The following PRKCE variants were observed in gnomAD, a reference collection of about 807,000 sequenced individuals.
PRKCE encodes protein kinase C epsilon.
A neutral mutation model predicts 85.4 loss-of-function variants in PRKCE; 16 were observed. The observed-to-expected ratio is 0.19, with a 90% CI of 0.13 to 0.28. The LOEUF (loss-of-function observed/expected upper bound fraction) is 0.28. PRKCE is among the 10% of genes least tolerant of loss of function. PRKCE has a pLI of 1.00. For synonymous variants in PRKCE, 388 were observed against 371.5 expected (o/e 1.04, Z -0.51); for missense variants, 573 against 975.2 (o/e 0.59, Z 5.49).
At chr2:45,966,934 G>C (rs1379584860) in intron 2 of PRKCE, among the ~76,000 whole-genome samples, 1 of 152,180 alleles carries the variant, frequency 6.6e-6, no homozygotes. Flanking sequence ...GAGAGATGCA[G>C]GGTTTCTGGA....
chr2:46,079,386 G>A (rs1286962010), intron 10 of PRKCE, among the ~76,000 whole-genome samples: 1 of 152,072 alleles, frequency 6.6e-6, no homozygotes, highest in South Asian at 2.1e-4. Context: ...ATGATTTCCT[G>A]TCTTCAGTTT....
intron 1 of PRKCE, among the ~76,000 whole-genome samples, chr2:45,830,348 A>G (rs932545968): frequency 2.0e-5 from 3 of 152,180 alleles, no homozygotes; most frequent in Non-Finnish European, 2.9e-5. Context: ...CTGCCTGTAC[A>G]TGAGAAAGGC....
At chr2:45,692,630 G>A (rs1395797912) in intron 1 of PRKCE, among the ~76,000 whole-genome samples, 1 of 152,106 alleles carries the variant, frequency 6.6e-6, no homozygotes, top group African/African-American at 2.4e-5. Context: ...TTCCAATTCA[G>A]TGAGGGAGAC....
At chr2:46,120,228 G>A (rs1038893258) in intron 11 of PRKCE, among the ~76,000 whole-genome samples, 3 of 152,204 alleles carry the variant, frequency 2.0e-5, no homozygotes, top group Non-Finnish European at 4.4e-5. Context: ...GGTTCTTGAT[G>A]TTCCTCTAGC....
At chr2:45,722,825 G>T (rs1680730501) in intron 1 of PRKCE, among the ~76,000 whole-genome samples, 1 of 152,214 alleles carries the variant, frequency 6.6e-6, no homozygotes, top group East Asian at 1.9e-4. Flanking sequence ...ACAGGGCTGG[G>T]CGTGGTGGCT....
chr2:45,838,685 G>A lies in PRKCE; in HGVS notation c.349-4315G>A, dbSNP rs572775460. ...GTCACCCAGACTGCAGTGCAGTGGC[G>A]CATTGCAGCCTGGATCTCCTGGGCT... is the stretch of plus-strand genomic sequence containing the variant. On this transcript the variant is annotated intron_variant, in intron 1 of 14. Transcript: ENST00000306156. 1.2e-4 allele frequency among the ~76,000 whole-genome samples: 18 copies of A among 152,164 alleles called. 1 individual carries two copies. The highest frequency in any genetic ancestry group is 4.2e-4 in the South Asian group (2 of 4,814).
intron 1 of PRKCE, among the ~76,000 whole-genome samples, chr2:45,754,198 C>A (rs148156942): frequency 6.6e-6 from 1 of 152,302 alleles, no homozygotes; most frequent in East Asian, 1.9e-4. Context: ...GAATAGAGTG[C>A]AGTACTGATT....
In PRKCE at chr2:45,661,304, T is replaced by G. The variant is rs185229985; in HGVS notation, c.348+8856T>G. On this transcript the variant is annotated intron_variant, in intron 1 of 14. Transcript: ENST00000306156. ...TTCAAGCGATTCTCCTGTCTCAGCC[T>G]CCCAAGTAGCTGGGATTACAAGCAT... Among the ~76,000 whole-genome samples the G allele has an allele frequency of 1.8e-3, 272 of 151,850 alleles. 1 individual carries two copies. The highest frequency in any genetic ancestry group is 6.3e-3 in the African/African-American group (260 of 41,392).
intron 14 of PRKCE, among the ~76,000 whole-genome samples, chr2:46,171,212 G>C (rs1446066560): frequency 6.6e-6 from 1 of 152,162 alleles, no homozygotes; most frequent in Non-Finnish European, 1.5e-5. Flanking sequence ...GGCAGGCAGG[G>C]TACTGTCTCC....
chr2:46,008,139 A>G (rs997173663), intron 9 of PRKCE, among the ~76,000 whole-genome samples: 3 of 152,216 alleles, frequency 2.0e-5, no homozygotes, highest in Non-Finnish European at 2.9e-5. Context: ...AATGTTATTT[A>G]ACTGATCTTT....
intron 1 of PRKCE, among the ~76,000 whole-genome samples, chr2:45,835,316 A>T (rs1316009330): frequency 6.6e-6 from 1 of 152,198 alleles, no homozygotes; most frequent in East Asian, 1.9e-4. Flanking sequence ...CATTCATTTT[A>T]AGTGTAGGCT....
intron 11 of PRKCE, among the ~76,000 whole-genome samples, chr2:46,128,282 A>G (rs908495597): frequency 6.6e-6 from 1 of 152,120 alleles, no homozygotes; most frequent in African/African-American, 2.4e-5. Flanking sequence ...TTTTTTTAGT[A>G]TGTGAGAAAG....
At chr2:45,675,036 A>G (rs890358672) in intron 1 of PRKCE, 2 of 152,200 alleles carry the variant, frequency 1.3e-5, no homozygotes, top group African/African-American at 2.4e-5. Flanking sequence ...ATTTTAATTC[A>G]ATGCTGATTA....
chr2:45,661,697 T>G (rs74440485), intron 1 of PRKCE, among the ~76,000 whole-genome samples: 2 of 109,450 alleles, frequency 1.8e-5, no homozygotes, highest in South Asian at 5.8e-4. Flanking sequence ...CCCAGCTAAT[T>G]TTTTTTTTTT....
chr2:45,998,755 A>C (rs1704425076), intron 6 of PRKCE, among the ~76,000 whole-genome samples: 1 of 151,646 alleles, frequency 6.6e-6, no homozygotes, highest in Admixed American at 6.6e-5. Flanking sequence ...TTTGTCTTCC[A>C]CTCATTTTCT....
rs1283983439 is a variant in PRKCE, at chr2:46,086,216, C to A, written c.1446C>A (p.Leu482=). 6.3e-7 allele frequency: 1 copy of A among 1,599,608 alleles called. No homozygotes were observed. The highest frequency in any genetic ancestry group is 1.1e-5 in the South Asian group (1 of 91,070). Residue 482 remains leucine, a synonymous_variant, in exon 11 of 15, where the codon CTC becomes CTA. Coordinates refer to ENST00000306156, the MANE Select transcript of PRKCE (RefSeq NM_005400.3). ...TTCTTCTCTCCTTTCAGGACCGCCT[C>A]TTTTTCGTCATGGAATATGTAAATG... The part of the protein sequence containing the change: ...LYCCFQTKDR[L]FFVMEYVNGG...
At chr2:45,711,188 G>A (rs1193769398) in intron 1 of PRKCE, among the ~76,000 whole-genome samples, 1 of 152,188 alleles carries the variant, frequency 6.6e-6, no homozygotes, top group Non-Finnish European at 1.5e-5. Context: ...TCCCCTTTGT[G>A]CCTCAGTTTC....
intron 2 of PRKCE, among the ~76,000 whole-genome samples, chr2:45,966,598 G>C (rs2104460132): frequency 2.0e-5 from 3 of 152,292 alleles, no homozygotes; most frequent in Admixed American, 2.0e-4. Context: ...TGGATTCCAA[G>C]ATAAGCCTCC....
intron 2 of PRKCE, among the ~76,000 whole-genome samples, chr2:45,872,929 C>T (rs891256964): frequency 2.0e-5 from 3 of 152,128 alleles, no homozygotes; most frequent in Admixed American, 2.0e-4. Context: ...TCAAGGAGAG[C>T]ATGACACCTG....
Sources: gnomAD v4.1 joint callset for allele counts (sites outside exome capture counted in the v4.1 genomes callset) on GRCh38, gnomAD v4.1.1 for gene constraint, MANE v1.5 for transcripts, NCBI Gene and HGNC (gene_info 2026-07-23, HGNC 2026-07-21) for gene names.